Variants in TENM2 observed in about 807,000 individuals in gnomAD.
TENM2 encodes teneurin transmembrane protein 2, also known as teneurin-2.
A neutral mutation model predicts 245.2 loss-of-function variants in TENM2; 52 were observed. The ratio of observed to expected loss-of-function variants is 0.21; its 90% CI spans 0.17 to 0.27. The LOEUF (loss-of-function observed/expected upper bound fraction) is 0.27, where lower values mean the gene tolerates loss of function less well. TENM2 is among the 10% of genes least tolerant of loss of function. The pLI, the probability that TENM2 is intolerant of heterozygous loss-of-function variation, is 1.00. For synonymous variants in TENM2, 1,363 were observed against 1,438.9 expected (o/e 0.95, Z 1.19); for missense variants, 3,046 against 3,666.8 (o/e 0.83, Z 4.37).
At chr5:168,059,526 T>C (rs1373587446) in intron 6 of TENM2, among the ~76,000 whole-genome samples, 1 of 152,152 alleles carries the variant, frequency 6.6e-6, no homozygotes, top group Non-Finnish European at 1.5e-5. Context: ...GGGGTTTCTT[T>C]TGGTACCTAT....
intron 2 of TENM2, among the ~76,000 whole-genome samples, chr5:167,599,776 A>C (rs1776479616): frequency 6.6e-6 from 1 of 152,130 alleles, no homozygotes; most frequent in Middle Eastern, 3.4e-3. Flanking sequence ...CTGCTTTTTG[A>C]TTAGTGAAAT....
intron 2 of TENM2, among the ~76,000 whole-genome samples, chr5:167,589,247 A>G (rs1474525929): frequency 1.3e-5 from 2 of 151,958 alleles, no homozygotes; most frequent in Non-Finnish European, 2.9e-5. Context: ...TTAGAGAATG[A>G]TATATTTACC....
the TENM2 span, among the ~76,000 whole-genome samples, chr5:167,226,353 T>C: frequency 6.6e-6 from 1 of 152,002 alleles, no homozygotes; most frequent in African/African-American, 2.4e-5. Context: ...ATTTCCATTT[T>C]CATTTGTTCT....
the TENM2 span, among the ~76,000 whole-genome samples, chr5:167,008,627 T>C: frequency 6.6e-6 from 1 of 152,344 alleles, no homozygotes; most frequent in African/African-American, 2.4e-5. Context: ...GCCGTTTTTC[T>C]ATCATGTGGG....
chr5:167,183,077 G>A, the TENM2 span, among the ~76,000 whole-genome samples: 1 of 151,940 alleles, frequency 6.6e-6, no homozygotes, highest in Non-Finnish European at 1.5e-5. Context: ...TACAATTTAG[G>A]CAAGGTTGCA....
At chr5:168,057,369 G>A (rs1342843128) in intron 6 of TENM2, among the ~76,000 whole-genome samples, 7 of 151,536 alleles carry the variant, frequency 4.6e-5, no homozygotes, top group Admixed American at 4.6e-4. Flanking sequence ...CATATACCCA[G>A]CAATGATCCT....
intron 2 of TENM2, among the ~76,000 whole-genome samples, chr5:167,691,093 A>G (rs2150405522): frequency 6.6e-6 from 1 of 152,242 alleles, no homozygotes; most frequent in Admixed American, 6.5e-5. Flanking sequence ...TGTTCTGGAG[A>G]CCCAAAGTTG....
intron 2 of TENM2, among the ~76,000 whole-genome samples, chr5:167,460,355 C>T (rs1766217951): frequency 6.6e-6 from 1 of 152,118 alleles, no homozygotes; most frequent in Non-Finnish European, 1.5e-5. Flanking sequence ...CATAGAATTC[C>T]AATATAAGCC....
chr5:167,730,475 A>AGGTGGT (rs1760344129), intron 2 of TENM2, among the ~76,000 whole-genome samples: 1 of 152,180 alleles, frequency 6.6e-6, no homozygotes, highest in Non-Finnish European at 1.5e-5. Flanking sequence ...TAATAGTTGT[A>AGGTGGT]GGTGGTGGAT....
chr5:167,271,925 C>T, the TENM2 span, among the ~76,000 whole-genome samples: 1 of 152,152 alleles, frequency 6.6e-6, no homozygotes, highest in African/African-American at 2.4e-5. Flanking sequence ...AATTACTAGG[C>T]CACTATCTCC....
intron 2 of TENM2, among the ~76,000 whole-genome samples, chr5:167,678,086 T>C (rs1355050393): frequency 3.3e-5 from 5 of 152,088 alleles, no homozygotes; most frequent in Non-Finnish European, 7.4e-5. Context: ...GTTTCTGTTA[T>C]GCACAAGAAT....
chr5:166,993,145 G>C, the TENM2 span, among the ~76,000 whole-genome samples: 1 of 152,004 alleles, frequency 6.6e-6, no homozygotes, highest in African/African-American at 2.4e-5. Flanking sequence ...TTCCCGTAGA[G>C]AGCTGTGGGC....
chr5:167,322,225 TTGTTGC>T (rs912888157), intron 1 of TENM2, among the ~76,000 whole-genome samples: 11 of 147,274 alleles, frequency 7.5e-5, no homozygotes, highest in African/African-American at 2.2e-4. Flanking sequence ...TTTTTTTTTT[TTGTTGC>T]TGTTGTTTTT....
chr5:167,797,254 T>C (rs1248944055), intron 2 of TENM2, among the ~76,000 whole-genome samples: 1 of 152,176 alleles, frequency 6.6e-6, no homozygotes, highest in Non-Finnish European at 1.5e-5. Context: ...CCTCAGTGTG[T>C]GGGAGGTTTC....
intron 2 of TENM2, among the ~76,000 whole-genome samples, chr5:167,512,259 A>G (rs1015466744): frequency 1.3e-5 from 2 of 152,206 alleles, no homozygotes; most frequent in Admixed American, 1.3e-4. Flanking sequence ...GATGTAACCA[A>G]TAAGAGATCT....
At chr5:167,697,381 G>A (rs916963763) in intron 2 of TENM2, among the ~76,000 whole-genome samples, 2 of 152,020 alleles carry the variant, frequency 1.3e-5, no homozygotes, top group Admixed American at 6.5e-5. Flanking sequence ...TTGTAATCAC[G>A]TATGCATCCT....
At chr5:167,618,865 A>C (rs1249922573) in intron 2 of TENM2, among the ~76,000 whole-genome samples, 1 of 152,078 alleles carries the variant, frequency 6.6e-6, no homozygotes, top group South Asian at 2.1e-4. Flanking sequence ...CCGCAAAAAG[A>C]GTTTCTATAC....
chr5:167,545,680 C>A (rs1334371347), intron 2 of TENM2, among the ~76,000 whole-genome samples: 1 of 152,132 alleles, frequency 6.6e-6, no homozygotes, highest in African/African-American at 2.4e-5. Flanking sequence ...TGGTTTTATG[C>A]TTTTATGGGT....
chr5:167,418,749 G>A (rs1446059021), intron 2 of TENM2, among the ~76,000 whole-genome samples: 1 of 152,164 alleles, frequency 6.6e-6, no homozygotes, highest in African/African-American at 2.4e-5. Context: ...GGAAGAGGAA[G>A]AGTTCATTAT....
Sources: gnomAD v4.1 joint callset for allele counts (sites outside exome capture counted in the v4.1 genomes callset) on GRCh38, gnomAD v4.1.1 for gene constraint, MANE v1.5 for transcripts, NCBI Gene and HGNC (gene_info 2026-07-23, HGNC 2026-07-21) for gene names.